The following FAM13A variants were observed in gnomAD, a reference collection of about 807,000 sequenced individuals.
The protein encoded by FAM13A is protein FAM13A.
Under a neutral mutation model 129.6 loss-of-function variants are expected in FAM13A, and 76 were observed. That is an observed-to-expected ratio of 0.59 (90% CI 0.49 to 0.71). The LOEUF (loss-of-function observed/expected upper bound fraction) is 0.71. Ranked by LOEUF, FAM13A falls within the 30% of genes least tolerant of loss-of-function variation. The probability of loss-of-function intolerance (pLI) is 0.00; values close to 1 mark genes in which losing one functional copy is unlikely to be tolerated. For missense variants in FAM13A, 1,108 were observed against 1,249.3 expected (o/e 0.89, Z 1.70); for synonymous variants, 443 against 449.9 (o/e 0.98, Z 0.20).
chr4:88,945,990 G>GTGTGTGTGTGTGTATATATATATA, intron 4 of FAM13A, among the ~76,000 whole-genome samples: 136 of 61,740 alleles, frequency 2.2e-3, no homozygotes, highest in Non-Finnish European at 2.7e-3. Flanking sequence ...GTGTGTGTGT[G>GTGTGTGTGTGTGTATATATATATA]TATATATATA....
At chr4:88,918,487 T>TCCAAAACCTGCTCTCACCTGCA (rs1750471520) in intron 5 of FAM13A, among the ~76,000 whole-genome samples, 2 of 152,212 alleles carry the variant, frequency 1.3e-5, no homozygotes, top group South Asian at 4.1e-4. Context: ...GCTATCTGTC[T>TCCAAAACCTGCTCTCACCTGCA]CCAAAACCTG....
chr4:88,934,219 T>G (rs574104284), intron 5 of FAM13A, among the ~76,000 whole-genome samples: 1 of 152,338 alleles, frequency 6.6e-6, no homozygotes, highest in African/African-American at 2.4e-5. Flanking sequence ...TTTCCCTGCT[T>G]TATTTTACTT....
chr4:88,930,714 C>T (rs1324983095), intron 5 of FAM13A, among the ~76,000 whole-genome samples: 1 of 152,050 alleles, frequency 6.6e-6, no homozygotes, highest in Non-Finnish European at 1.5e-5. Flanking sequence ...TATTGGGCTA[C>T]ATGTGTGAGT....
At chr4:89,037,390 G>A (rs1321861450) in intron 1 of FAM13A, among the ~76,000 whole-genome samples, 2 of 152,164 alleles carry the variant, frequency 1.3e-5, no homozygotes, top group Non-Finnish European at 2.9e-5. Context: ...CTTTGTTTTG[G>A]CTGATTTCTG....
intron 17 of FAM13A, 21 bp downstream of exon 17, chr4:88,748,931 C>G (rs1330179435): frequency 6.3e-7 from 1 of 1,581,054 alleles, no homozygotes; most frequent in Non-Finnish European, 8.7e-7. Context: ...ACAGAAGCCA[C>G]AGCTCCAGAA....
chr4:88,838,112 T>C (rs1307645549), intron 7 of FAM13A, among the ~76,000 whole-genome samples: 1 of 152,166 alleles, frequency 6.6e-6, no homozygotes, highest in Non-Finnish European at 1.5e-5. Flanking sequence ...TGTGCATAGG[T>C]TATATGCAAA....
At chr4:88,993,583 C>A (rs907282763) in intron 3 of FAM13A, among the ~76,000 whole-genome samples, 1 of 152,176 alleles carries the variant, frequency 6.6e-6, no homozygotes, top group Non-Finnish European at 1.5e-5. Context: ...AAAGCAGCAG[C>A]ATTTTCATCA....
chr4:88,750,791 C>T (rs991360940), intron 14 of FAM13A, among the ~76,000 whole-genome samples, 154 bp from the exon 15 acceptor site: 2 of 152,162 alleles, frequency 1.3e-5, no homozygotes, highest in Non-Finnish European at 2.9e-5. Context: ...CTAAGGACAC[C>T]GCGCCCCAAC....
chr4:88,980,710 A>T (rs1761554520), intron 4 of FAM13A, among the ~76,000 whole-genome samples: 1 of 152,228 alleles, frequency 6.6e-6, no homozygotes, highest in Non-Finnish European at 1.5e-5. Context: ...AACTATTTAT[A>T]CTTTTCAATC....
At chr4:88,989,972 A>G (rs1272064375) in intron 4 of FAM13A, 3 of 152,244 alleles carry the variant, frequency 2.0e-5, no homozygotes, top group Admixed American at 2.0e-4. Flanking sequence ...ACTTTTTACT[A>G]TCACGGAGCT....
chr4:89,011,423 G>A (rs551207370), intron 3 of FAM13A, among the ~76,000 whole-genome samples: 14 of 152,254 alleles, frequency 9.2e-5, no homozygotes. Flanking sequence ...ATCTGATACA[G>A]ATGGTTATAG....
At chr4:88,997,399 T>C (rs552398510) in intron 3 of FAM13A, among the ~76,000 whole-genome samples, 1 of 152,300 alleles carries the variant, frequency 6.6e-6, no homozygotes, top group South Asian at 2.1e-4. Flanking sequence ...TTGGCTTCAT[T>C]TGACCCATTT....
At chr4:88,811,483 C>T (rs1729655624) in intron 7 of FAM13A, among the ~76,000 whole-genome samples, 1 of 151,870 alleles carries the variant, frequency 6.6e-6, no homozygotes, top group South Asian at 2.1e-4. Flanking sequence ...TTCAATCCTA[C>T]CTACTCAGCT....
intron 4 of FAM13A, among the ~76,000 whole-genome samples, chr4:88,970,967 G>A (rs6847562): frequency 0.52 from 78,577 of 152,096 alleles, 20,387 homozygotes; most frequent in Middle Eastern, 0.61. Context: ...CCAGCACTTC[G>A]GGAGGCCGAG....
At chr4:88,894,880 T>C (rs908686047) in intron 6 of FAM13A, among the ~76,000 whole-genome samples, 12 of 152,220 alleles carry the variant, frequency 7.9e-5, no homozygotes, top group African/African-American at 2.9e-4. Flanking sequence ...TTAGGATACA[T>C]CAGTCATATC....
chr4:88,790,372 TGGAGTTGTCTGTA>T (rs1443056732), intron 9 of FAM13A, among the ~76,000 whole-genome samples: 3 of 152,130 alleles, frequency 2.0e-5, no homozygotes, highest in African/African-American at 7.2e-5. Flanking sequence ...TTTCCAATGT[TGGAGTTGTCTGTA>T]GGAATACACA....
intron 8 of FAM13A, among the ~76,000 whole-genome samples, chr4:88,800,701 A>AC (rs1219442019): frequency 6.6e-6 from 1 of 150,986 alleles, no homozygotes; most frequent in Non-Finnish European, 1.5e-5. Context: ...AAAAACAAAA[A>AC]AAAAAAAAGA....
At chr4:88,899,364 G>C (rs1746880412) in intron 6 of FAM13A, among the ~76,000 whole-genome samples, 1 of 151,952 alleles carries the variant, frequency 6.6e-6, no homozygotes, top group Admixed American at 6.6e-5. Flanking sequence ...GGGATAAAAA[G>C]CTACAAATTG....
chr4:88,967,639 A>G (rs771173057), intron 4 of FAM13A, among the ~76,000 whole-genome samples: 30 of 152,344 alleles, frequency 2.0e-4, no homozygotes, highest in Non-Finnish European at 3.8e-4. Flanking sequence ...ATGAGAGAGA[A>G]TTCCATGTGC....
Sources: allele counts gnomAD v4.1 joint callset (sites outside exome capture counted in the v4.1 genomes callset), GRCh38; gene constraint gnomAD v4.1.1; transcripts MANE v1.5; gene names NCBI Gene and HGNC (gene_info 2026-07-23, HGNC 2026-07-21).